Variants in LDLRAD4 observed in about 807,000 individuals in gnomAD.
LDLRAD4 encodes the protein low density lipoprotein receptor class A domain containing 4.
A neutral mutation model predicts 17.0 loss-of-function variants in LDLRAD4; 5 were observed. The ratio of observed to expected loss-of-function variants is 0.29; its 90% CI spans 0.15 to 0.62. The LOEUF (loss-of-function observed/expected upper bound fraction) is 0.62, where lower values mean the gene tolerates loss of function less well. LDLRAD4 is among the 20% of genes least tolerant of loss of function. LDLRAD4 has a pLI of 0.84. For synonymous variants in LDLRAD4, 168 were observed against 171.8 expected (o/e 0.98, Z 0.17); for missense variants, 340 against 424.7 (o/e 0.80, Z 1.75).
At chr18:13,624,688 C>T (rs566195305) in intron 4 of LDLRAD4, among the ~76,000 whole-genome samples, 1 of 152,356 alleles carries the variant, frequency 6.6e-6, no homozygotes, top group African/African-American at 2.4e-5. Context: ...TCCAAGTTCC[C>T]CGCCTTCCCC....
intron 3 of LDLRAD4, among the ~76,000 whole-genome samples, chr18:13,500,238 G>T (rs2093589452): frequency 6.7e-6 from 1 of 148,352 alleles, no homozygotes; most frequent in Non-Finnish European, 1.5e-5. Context: ...TGGCCCTGAC[G>T]GCCCGGGAAT....
chr18:13,266,621 G>T (rs1419816207), intron 1 of LDLRAD4, among the ~76,000 whole-genome samples: 1 of 152,264 alleles, frequency 6.6e-6, no homozygotes, highest in Non-Finnish European at 1.5e-5. Context: ...GACCGTCTTA[G>T]GCAGAAGGCA....
chr18:13,647,891 G>T (rs2043075548), exon 6 of LDLRAD4: 1 of 152,206 alleles, frequency 6.6e-6, no homozygotes, highest in Non-Finnish European at 1.5e-5. Flanking sequence ...GCAGAGATTG[G>T]CTTGGGGCCA....
intron 2 of LDLRAD4, among the ~76,000 whole-genome samples, chr18:13,404,112 G>A (rs1202454669): frequency 6.6e-6 from 1 of 152,346 alleles, no homozygotes; most frequent in East Asian, 1.9e-4. Context: ...TTTAATAAGA[G>A]GCCAGTATTT....
rs141417870 is a variant in LDLRAD4 at position 13,443,130 on chromosome 18, A to C, written c.181+4746A>C. On this transcript the variant is annotated intron_variant, in intron 3 of 5. Transcript: ENST00000359446. The stretch of plus-strand genomic sequence containing the variant: ...GACTTTAGGACTTTTTCAGGAGGCA[A>C]CTTTTTCCTCCCATTGCCATTTAGG... Among the ~76,000 whole-genome samples, 55 of 152,366 alleles carry C rather than the reference A, an allele frequency of 3.6e-4. No homozygotes were observed. The South Asian group carries it at 0.011, about 32-fold the overall frequency.
intron 3 of LDLRAD4, among the ~76,000 whole-genome samples, chr18:13,558,886 C>T (rs983757640): frequency 1.0e-4 from 13 of 130,386 alleles, no homozygotes; most frequent in Non-Finnish European, 1.5e-4. Context: ...CCCAGCCCTC[C>T]CCCTGCCCCT....
At chr18:13,306,625 G>A (rs1263919627) in intron 1 of LDLRAD4, among the ~76,000 whole-genome samples, 1 of 152,196 alleles carries the variant, frequency 6.6e-6, no homozygotes, top group African/African-American at 2.4e-5. Context: ...TAGAGAGAAG[G>A]TCAGGAAAAT....
At chr18:13,647,176 C>A (rs2149022150) in exon 6 of LDLRAD4, 1 of 150,990 alleles carries the variant, frequency 6.6e-6, no homozygotes, top group South Asian at 2.1e-4. Flanking sequence ...GTAAAAAGCA[C>A]AACATGCAGT....
At position 13,450,328 on chromosome 18, in the gene LDLRAD4, C is replaced by CA. The variant is rs375188502; in HGVS notation, c.181+11944_181+11945insA. 6.4e-4 allele frequency among the ~76,000 whole-genome samples: 72 copies of CA among 112,494 alleles called. 2 individuals carry two copies. The highest frequency in any genetic ancestry group is 2.0e-3 in the African/African-American group (59 of 29,080). The allele number at this position is 112,494 out of a possible 152,430, so 73.8% of individuals were successfully genotyped here. A position where few individuals can be genotyped will look rare whatever the true frequency, so the allele number is the denominator to read the frequency against. ...GTGCAGTTAGCTTCTCTCCCCCCAC[C>CA]CCCCCCCCCAAAAAAACACACAAGA... On this transcript the variant is annotated intron_variant, in intron 3 of 5. Transcript: ENST00000359446.
At chr18:13,608,471 TC>T (rs1453554910) in intron 3 of LDLRAD4, among the ~76,000 whole-genome samples, 1 of 152,134 alleles carries the variant, frequency 6.6e-6, no homozygotes, top group Non-Finnish European at 1.5e-5. Context: ...GAGCAGAGCC[TC>T]CCTTTACCAC....
At chr18:13,458,108 T>C (rs1296252517) in intron 3 of LDLRAD4, among the ~76,000 whole-genome samples, 2 of 152,160 alleles carry the variant, frequency 1.3e-5, no homozygotes, top group Non-Finnish European at 2.9e-5. Context: ...GTCTCCTAAC[T>C]GGACCAAGAC....
At chr18:13,649,180 G>A (rs1312952836) in exon 6 of LDLRAD4, 4 of 152,218 alleles carry the variant, frequency 2.6e-5, no homozygotes, top group Admixed American at 2.6e-4. Flanking sequence ...CAGTAAATGG[G>A]GGAGGCCTCC....
chr18:13,428,123 G>A lies in LDLRAD4; in HGVS notation c.41-10121G>A, dbSNP rs183764835. Among the ~76,000 whole-genome samples, 476 of 152,304 alleles carry A rather than the reference G, an allele frequency of 3.1e-3. 4 individuals are homozygous for A. The highest frequency in any genetic ancestry group is 0.011 in the African/African-American group (454 of 41,550). On this transcript the variant is annotated intron_variant, in intron 2 of 5. Transcript: ENST00000359446. ...GTAGTTTATGCTCTAATGGAGAAAAGAAGACAAGAAATATGATGTGTATAT... is the reference window on the plus strand; with the variant it reads ...GTAGTTTATGCTCTAATGGAGAAAAAAAGACAAGAAATATGATGTGTATAT...
intron 2 of LDLRAD4, among the ~76,000 whole-genome samples, chr18:13,415,145 G>A (rs1339304676): frequency 6.6e-6 from 1 of 152,180 alleles, no homozygotes; most frequent in South Asian, 2.1e-4. Flanking sequence ...GGCATCTGTT[G>A]CCTGGAGGTC....
intron 1 of LDLRAD4, among the ~76,000 whole-genome samples, chr18:13,325,375 CA>C (rs1174622583): frequency 6.6e-6 from 1 of 152,206 alleles, no homozygotes; most frequent in East Asian, 1.9e-4. Flanking sequence ...GGTGGAGATG[CA>C]GAGTGCACTA....
intron 1 of LDLRAD4, among the ~76,000 whole-genome samples, chr18:13,370,715 T>TTTTTTTTTTTTTTTTTTTTTTTTTTTTTG (rs1555663261): frequency 1.7e-5 from 2 of 120,984 alleles, no homozygotes; most frequent in Admixed American, 8.5e-5. Context: ...TTTGTTTTGT[T>TTTTTTTTTTTTTTTTTTTTTTTTTTTTTG]TTTTTTTTTT....
At chr18:13,296,516 C>A (rs1371937170) in intron 1 of LDLRAD4, among the ~76,000 whole-genome samples, 1 of 151,900 alleles carries the variant, frequency 6.6e-6, no homozygotes, top group Non-Finnish European at 1.5e-5. Context: ...GGGTCTTTTC[C>A]TTTTCCAGTA....
At chr18:13,465,729 G>A (rs979168224) in intron 3 of LDLRAD4, among the ~76,000 whole-genome samples, 1 of 152,218 alleles carries the variant, frequency 6.6e-6, no homozygotes, top group African/African-American at 2.4e-5. Flanking sequence ...CTTGGCAGAT[G>A]ATTGTTATGG....
chr18:13,320,983 C>T (rs982475176), intron 1 of LDLRAD4, among the ~76,000 whole-genome samples: 1 of 152,146 alleles, frequency 6.6e-6, no homozygotes, highest in African/African-American at 2.4e-5. Context: ...GGAGGCCAGG[C>T]ATGAATGCAC....
Sources: allele counts gnomAD v4.1 joint callset (sites outside exome capture counted in the v4.1 genomes callset), GRCh38; gene constraint gnomAD v4.1.1; transcripts MANE v1.5; gene names NCBI Gene and HGNC (gene_info 2026-07-23, HGNC 2026-07-21).